WWOX: variants seen among roughly 807,000 people sequenced by gnomAD.
WWOX encodes the protein WW domain-containing oxidoreductase.
WWOX carries 69 observed loss-of-function variants against 46.2 expected under a neutral mutation model. That is an observed-to-expected ratio of 1.49 (90% CI 1.23 to 1.82). The LOEUF is 1.82. Among genes scored for constraint, WWOX ranks in the 40% most tolerant of loss-of-function variants. The pLI, the probability that WWOX is intolerant of heterozygous loss-of-function variation, is 0.00. For synonymous variants in WWOX, 359 were observed against 202.6 expected, an observed-to-expected ratio of 1.77 and a Z score of -6.56; for missense variants, 919 against 542.6, an observed-to-expected ratio of 1.69 and a Z score of -6.89.
At chr16:78,689,308 C>G (rs144136998) in intron 8 of WWOX, among the ~76,000 whole-genome samples, 176 of 152,324 alleles carry the variant, frequency 1.2e-3, no homozygotes, top group Non-Finnish European at 2.0e-3. Context: ...TTGTATTTTT[C>G]TCTTTGCTTA....
intron 5 of WWOX, among the ~76,000 whole-genome samples, chr16:78,188,470 A>C (rs572903849): frequency 2.7e-5 from 4 of 147,402 alleles, no homozygotes; most frequent in Admixed American, 2.0e-4. Flanking sequence ...CCTGGGTGAC[A>C]GAGCGAGACT....
At chr16:79,031,863 GATAGATATCTATAT>G (rs1597303453) in intron 8 of WWOX, among the ~76,000 whole-genome samples, 1 of 132,704 alleles carries the variant, frequency 7.5e-6, no homozygotes, top group East Asian at 2.1e-4. Context: ...TATATATATA[GATAGATATCTATAT>G]ACAGATATCT....
intron 8 of WWOX, among the ~76,000 whole-genome samples, chr16:78,691,913 C>T (rs1187217085): frequency 6.6e-6 from 1 of 152,134 alleles, no homozygotes; most frequent in Non-Finnish European, 1.5e-5. Flanking sequence ...TGGGGCCCAG[C>T]CTTTCCCATG....
At chr16:78,904,234 CTTTTTT>C (rs5818190) in intron 8 of WWOX, among the ~76,000 whole-genome samples, 1 of 85,772 alleles carries the variant, frequency 1.2e-5, no homozygotes, top group African/African-American at 4.4e-5. Flanking sequence ...TTATAAATGC[CTTTTTT>C]TTTTTTTTTT....
chr16:78,233,903 G>T (rs1472611177), intron 5 of WWOX, among the ~76,000 whole-genome samples: 1 of 152,120 alleles, frequency 6.6e-6, no homozygotes, highest in African/African-American at 2.4e-5. Flanking sequence ...TTCTTCTTGA[G>T]GATCAGGGCT....
intron 5 of WWOX, among the ~76,000 whole-genome samples, chr16:78,275,546 G>T (rs1435038994): frequency 1.3e-5 from 2 of 152,210 alleles, no homozygotes; most frequent in Non-Finnish European, 2.9e-5. Flanking sequence ...TAGCCAGGTG[G>T]AGAGGTTGGG....
At chr16:78,509,676 A>C (rs1337613860) in intron 8 of WWOX, among the ~76,000 whole-genome samples, 1 of 152,204 alleles carries the variant, frequency 6.6e-6, no homozygotes, top group Non-Finnish European at 1.5e-5. Context: ...GGAAACAGGC[A>C]AAAACTACTG....
At chr16:79,098,707 G>A (rs2049128750) in intron 8 of WWOX, among the ~76,000 whole-genome samples, 1 of 152,190 alleles carries the variant, frequency 6.6e-6, no homozygotes, top group Non-Finnish European at 1.5e-5. Flanking sequence ...CTACTAGGCA[G>A]GTCAACATAA....
intron 8 of WWOX, chr16:78,825,427 A>G (rs896328247): frequency 3.0e-6 from 1 of 336,400 alleles, no homozygotes; most frequent in South Asian, 2.9e-5. Flanking sequence ...AGTAACAAAT[A>G]TCTTAGCCAA....
At chr16:78,727,739 G>A (rs1010914651) in intron 8 of WWOX, among the ~76,000 whole-genome samples, 1 of 152,098 alleles carries the variant, frequency 6.6e-6, no homozygotes, top group African/African-American at 2.4e-5. Context: ...TGGACTTGGG[G>A]ATTGGACTCC....
At chr16:78,246,366 T>C (rs558727255) in intron 5 of WWOX, among the ~76,000 whole-genome samples, 1 of 152,318 alleles carries the variant, frequency 6.6e-6, no homozygotes, top group African/African-American at 2.4e-5. Flanking sequence ...ACCTTTTTTT[T>C]CCCCTTCTGT....
At chr16:78,503,525 G>A (rs371276889) in intron 8 of WWOX, 4 of 152,008 alleles carry the variant, frequency 2.6e-5, no homozygotes, top group African/African-American at 4.8e-5. Flanking sequence ...ACAGCAAAGC[G>A]ATTCTTTATT....
intron 8 of WWOX, among the ~76,000 whole-genome samples, chr16:78,863,579 G>A (rs1339881662): frequency 6.6e-6 from 1 of 152,188 alleles, no homozygotes; most frequent in African/African-American, 2.4e-5. Context: ...TTTGTGAGAA[G>A]GGCCTAAGAG....
chr16:78,324,934 T>C lies in WWOX; in HGVS notation c.517-61926T>C, dbSNP rs145445427. 5.3e-4 allele frequency among the ~76,000 whole-genome samples: 80 copies of C among 152,338 alleles called. 1 individual carries two copies. Among genetic ancestry groups the C allele is most frequent in the African/African-American group, 1.7e-3 (70 of 41,568 alleles). On this transcript the variant is annotated intron_variant, in intron 5 of 8. Transcript: ENST00000566780. Reference sequence around the variant, plus strand: ...AATCGTATGGTATGTCAATTATATCTCAATAAAGCTGTTAAAAAATCTGAA... The same window carrying C: ...AATCGTATGGTATGTCAATTATATCCCAATAAAGCTGTTAAAAAATCTGAA...
chr16:78,279,285 C>T (rs1487805668), intron 5 of WWOX, among the ~76,000 whole-genome samples: 1 of 151,806 alleles, frequency 6.6e-6, no homozygotes, highest in African/African-American at 2.4e-5. Flanking sequence ...TAGGGGGACA[C>T]CTCCCTCTCA....
chr16:78,838,544 A>G (rs994394643), intron 8 of WWOX, among the ~76,000 whole-genome samples: 1 of 152,206 alleles, frequency 6.6e-6, no homozygotes. Context: ...GAAAATTATA[A>G]AAATAGAAAA....
In WWOX at chr16:79,049,081, T is replaced by C. The variant is rs185964094; in HGVS notation, c.1057-162527T>C. ...TTCTATCCTCTGACAGTTTATACTT[T>C]AGTGCAGTGGTCAGCAGACTGTTTC... is the stretch of plus-strand genomic sequence containing the variant. On this transcript the variant is annotated intron_variant, in intron 8 of 8. Transcript: ENST00000566780. Among the ~76,000 whole-genome samples the C allele has an allele frequency of 1.4e-4, 22 of 152,330 alleles. No homozygotes were observed. In the East Asian group the frequency reaches 3.5e-3, roughly 24 times the overall value.
intron 8 of WWOX, among the ~76,000 whole-genome samples, chr16:78,814,529 A>G (rs2051281551): frequency 6.6e-6 from 1 of 152,152 alleles, no homozygotes; most frequent in Non-Finnish European, 1.5e-5. Flanking sequence ...TATATGTACA[A>G]AACAAAAGAG....
At chr16:78,495,725 T>C (rs946614002) in intron 8 of WWOX, among the ~76,000 whole-genome samples, 2 of 151,798 alleles carry the variant, frequency 1.3e-5, no homozygotes, top group African/African-American at 4.8e-5. Context: ...GCCAGGGTGG[T>C]CTCGAACTCC....
Sources: gnomAD v4.1 joint callset for allele counts (sites outside exome capture counted in the v4.1 genomes callset) on GRCh38, gnomAD v4.1.1 for gene constraint, MANE v1.5 for transcripts, NCBI Gene and HGNC (gene_info 2026-07-23, HGNC 2026-07-21) for gene names.